LRRC40: variants seen among roughly 807,000 people sequenced by gnomAD.
LRRC40 encodes the protein leucine-rich repeat-containing protein 40.
LRRC40 carries 76 observed loss-of-function variants against 72.8 expected under a neutral mutation model. That is an observed-to-expected ratio of 1.04 (90% CI 0.87 to 1.26). The LOEUF is 1.26. Among genes scored for constraint, LRRC40 ranks in the 50% most tolerant of loss-of-function variants. The pLI, the probability that LRRC40 is intolerant of heterozygous loss-of-function variation, is 0.00. For missense variants in LRRC40, 684 were observed against 698.9 expected, an observed-to-expected ratio of 0.98 and a Z score of 0.24; for synonymous variants, 243 against 254.2, an observed-to-expected ratio of 0.96 and a Z score of 0.42.
In LRRC40 at chr1:70,205,373, G is replaced by GTACCTCTGGGTCT; in HGVS notation, c.151+4_151+16dup. Reference sequence around the variant, plus strand: ...TTCTGACAGGAGACACAATAGGGTCGTACCTCTGGGTCTTACCTTCACTGA... The same window carrying GTACCTCTGGGTCT: ...TTCTGACAGGAGACACAATAGGGTCGTACCTCTGGGTCTTACCTCTGGGTCTTACCTTCACTGA... On this transcript the variant is annotated intron_variant, in intron 1 of 14. Coordinates refer to ENST00000370952, the MANE Select transcript of LRRC40 (RefSeq NM_017768.5). 6.4e-7 allele frequency: 1 copy of GTACCTCTGGGTCT among 1,563,494 alleles called. No individual in the cohort carries two copies. Among genetic ancestry groups the GTACCTCTGGGTCT allele is most frequent in the Non-Finnish European group, 8.7e-7 (1 of 1,143,108 alleles).
intron 1 of LRRC40, among the ~76,000 whole-genome samples, chr1:70,196,275 C>T (rs1241606303): frequency 6.6e-6 from 1 of 152,038 alleles, no homozygotes; most frequent in Non-Finnish European, 1.5e-5. Context: ...GCTGGCTGGG[C>T]GTGGTGGCTC....
At chr1:70,151,229 GAT>G in intron 12 of LRRC40, 24 bp from the exon 13 acceptor site, 1 of 1,178,686 alleles carries the variant, frequency 8.5e-7, no homozygotes, top group Non-Finnish European at 1.3e-6. Context: ...CAAAACAGAA[GAT>G]TTACAAAGTT....
At chr1:70,181,028 T>C (rs1668232942) in intron 5 of LRRC40, 58 bp downstream of exon 5, 1 of 1,225,340 alleles carries the variant, frequency 8.2e-7, no homozygotes. Context: ...AATTACTTTC[T>C]AAATGTAAGT....
intron 9 of LRRC40, among the ~76,000 whole-genome samples, chr1:70,169,937 T>C (rs1260697678): frequency 1.3e-5 from 2 of 152,130 alleles, no homozygotes; most frequent in Non-Finnish European, 2.9e-5. Context: ...ATGCCATTAT[T>C]AGGCTATCAC....
At chr1:70,197,370 T>C (rs1571497460) in intron 1 of LRRC40, among the ~76,000 whole-genome samples, 1 of 152,010 alleles carries the variant, frequency 6.6e-6, no homozygotes, top group South Asian at 2.1e-4. Context: ...CTCGAACTCA[T>C]GGCTTCAGGA....
chr1:70,172,263 C>A (rs368944717), intron 9 of LRRC40, among the ~76,000 whole-genome samples: 1 of 152,136 alleles, frequency 6.6e-6, no homozygotes, highest in Non-Finnish European at 1.5e-5. Flanking sequence ...CAATAAATTT[C>A]TGTTATTTAT....
intron 1 of LRRC40, among the ~76,000 whole-genome samples, chr1:70,190,314 A>T (rs1440666817): frequency 6.6e-6 from 1 of 152,054 alleles, no homozygotes; most frequent in Non-Finnish European, 1.5e-5. Flanking sequence ...GCAGTTTTGG[A>T]TGATTAATCA....
At chr1:70,161,577 A>T (rs1318782674) in intron 9 of LRRC40, among the ~76,000 whole-genome samples, 1 of 151,606 alleles carries the variant, frequency 6.6e-6, no homozygotes, top group Non-Finnish European at 1.5e-5. Context: ...AGAAAGAAAG[A>T]AATTTTCAAA....
chr1:70,161,016 T>C lies in LRRC40; in HGVS notation c.1112-1578A>G, dbSNP rs542195414. On this transcript the variant is annotated intron_variant, in intron 9 of 14. Transcript: ENST00000370952. ...AGAGAGAGAAAAAAAAAAGTTGTAATTGTACAAGTGACTGACAAGAACACA... is the reference window on the plus strand; with the variant it reads ...AGAGAGAGAAAAAAAAAAGTTGTAACTGTACAAGTGACTGACAAGAACACA... 1.4e-4 allele frequency among the ~76,000 whole-genome samples: 21 copies of C among 151,712 alleles called. No homozygotes were observed. In the East Asian group the frequency reaches 3.9e-3, roughly 28 times the overall value.
Position 70,173,641 on chromosome 1 carries a change from A to G in LRRC40, c.1046T>C (p.Ile349Thr), listed in dbSNP as rs143005597. The G allele has an allele frequency of 7.4e-5, 116 of 1,572,274 alleles. 1 individual carries two copies. The East Asian group carries it at 2.2e-3, about 30-fold the overall frequency. Residue 349 changes from isoleucine to threonine, a missense_variant, in exon 8 of 15, where the codon ATT becomes ACT. By Grantham distance (89) the Ile-to-Thr change is moderately conservative. Transcript: ENST00000370952. ...ACTTACACTTATAATTTCTCTTCGA[A>G]TTGTTCTCAAAGGATTTCCTTCTAA... is the stretch of plus-strand genomic sequence containing the variant. The part of the protein sequence containing the change: ...LALEGNPLRT[I>T]RREIISKGTQ...
chr1:70,159,528 T>A (rs1425882018), intron 9 of LRRC40, 90 bp from the exon 10 acceptor site: 1 of 519,108 alleles, frequency 1.9e-6, no homozygotes, highest in Non-Finnish European at 3.5e-6. Flanking sequence ...GTGTACGTGA[T>A]TTCTAGATAT....
chr1:70,185,580 C>A (rs1005206902), intron 3 of LRRC40, among the ~76,000 whole-genome samples: 1 of 152,154 alleles, frequency 6.6e-6, no homozygotes, highest in Non-Finnish European at 1.5e-5. Flanking sequence ...ATGTCTTTAT[C>A]AGCAGCATGA....
In LRRC40 at chr1:70,190,677, T is replaced by TAAAAAAAAAAAAAAAAAAAAA. The variant is rs59341874; in HGVS notation, c.152-1405_152-1404insTTTTTTTTTTTTTTTTTTTTT. 2.8e-4 allele frequency among the ~76,000 whole-genome samples: 15 copies of TAAAAAAAAAAAAAAAAAAAAA among 54,352 alleles called. 1 individual carries two copies. Among genetic ancestry groups the TAAAAAAAAAAAAAAAAAAAAA allele is most frequent in the African/African-American group, 1.3e-3 (10 of 7,910 alleles). The allele number at this position is 54,352 out of a possible 152,430, so 35.7% of individuals were successfully genotyped here. On this transcript the variant is annotated intron_variant, in intron 1 of 14. Transcript: ENST00000370952. ...GGGAAACAGAGTGAGACCCTGTCTCTAAAAAAAAAAAAAAAAAAACTTAAA... is the reference window on the plus strand; with the variant it reads ...GGGAAACAGAGTGAGACCCTGTCTCTAAAAAAAAAAAAAAAAAAAAAAAAAAAAAAAAAAAAAAAACTTAAA...
intron 6 of LRRC40, among the ~76,000 whole-genome samples, chr1:70,177,710 C>T (rs911990813): frequency 6.6e-6 from 1 of 152,168 alleles, no homozygotes; most frequent in East Asian, 1.9e-4. Context: ...GATGATTCAT[C>T]CTGTAAGCAG....
chr1:70,182,848 T>C (rs1186455910), intron 4 of LRRC40, among the ~76,000 whole-genome samples: 2 of 152,156 alleles, frequency 1.3e-5, no homozygotes, highest in Admixed American at 6.5e-5. Context: ...ACTGAGTCTG[T>C]AGAACACAAT....
intron 6 of LRRC40, among the ~76,000 whole-genome samples, chr1:70,176,429 G>A (rs1353336662): frequency 6.6e-6 from 1 of 151,498 alleles, no homozygotes; most frequent in Non-Finnish European, 1.5e-5. Flanking sequence ...CTACTCAGGA[G>A]GCTGCGGCAG....
chr1:70,196,783 T>C (rs1007469998), intron 1 of LRRC40, among the ~76,000 whole-genome samples: 3 of 152,206 alleles, frequency 2.0e-5, no homozygotes, highest in South Asian at 2.1e-4. Context: ...TTCAAGATGT[T>C]GGAAATGTTC....
At chr1:70,187,102 T>C (rs1382017808) in intron 3 of LRRC40, among the ~76,000 whole-genome samples, 163 bp downstream of exon 3, 2 of 151,938 alleles carry the variant, frequency 1.3e-5, no homozygotes, top group Admixed American at 1.3e-4. Context: ...GAAAAAAACA[T>C]ACAAACTAAG....
rs770825748 is a variant in LRRC40, at chr1:70,189,233, C to T, written c.192G>A (p.Glu64=). ...CVWRINVDIP[E]EANQNLSFGA... The stretch of plus-strand genomic sequence containing the variant: ...CAAACGAAAGATTCTGATTAGCTTC[C>T]TCAGGGATATCCACATTTATTCTCC... Residue 64 remains glutamate, a synonymous_variant, in exon 2 of 15, where the codon GAG becomes GAA. Coordinates refer to ENST00000370952, the MANE Select transcript of LRRC40 (RefSeq NM_017768.5). 4 of 1,611,954 alleles carry T rather than the reference C, an allele frequency of 2.5e-6. No individual in the cohort carries two copies. In the South Asian group the frequency reaches 3.3e-5, roughly 13 times the overall value.
Sources: allele counts gnomAD v4.1 joint callset (sites outside exome capture counted in the v4.1 genomes callset), GRCh38; gene constraint gnomAD v4.1.1; transcripts MANE v1.5; gene names NCBI Gene and HGNC (gene_info 2026-07-23, HGNC 2026-07-21).